The following FKBP1B variants were observed in gnomAD, a reference collection of about 807,000 sequenced individuals.
FKBP1B encodes peptidyl-prolyl cis-trans isomerase FKBP1B.
Under a neutral mutation model 13.5 loss-of-function variants are expected in FKBP1B, and 4 were observed. That is an observed-to-expected ratio of 0.30 (90% CI 0.15 to 0.68). The LOEUF is 0.68. Among genes scored for constraint, FKBP1B ranks in the 30% least tolerant of loss-of-function variants. The pLI, the probability that FKBP1B is intolerant of heterozygous loss-of-function variation, is 0.76. For missense variants in FKBP1B, 93 were observed against 136.2 expected, an observed-to-expected ratio of 0.68 and a Z score of 1.58; for synonymous variants, 54 against 53.6, an observed-to-expected ratio of 1.01 and a Z score of -0.03.
chr2:24,057,174 T>C (rs535100809), intron 2 of FKBP1B, among the ~76,000 whole-genome samples: 1 of 151,974 alleles, frequency 6.6e-6, no homozygotes, highest in South Asian at 2.1e-4. Flanking sequence ...TCTTTCTTTT[T>C]AAAATTTTTT....
At chr2:24,035,649 T>A in the FKBP1B span, among the ~76,000 whole-genome samples, 1 of 152,020 alleles carries the variant, frequency 6.6e-6, no homozygotes, top group Non-Finnish European at 1.5e-5. Context: ...GTGCAGTGGC[T>A]CACACCTGTA....
the FKBP1B span, among the ~76,000 whole-genome samples, chr2:24,042,535 C>CAAA: frequency 3.4e-4 from 21 of 61,512 alleles, no homozygotes; most frequent in East Asian, 5.5e-4. Flanking sequence ...TACTCCGTCT[C>CAAA]AAAAAAAAAA....
chr2:24,046,109 G>C (rs1663617059), upstream of FKBP1B, among the ~76,000 whole-genome samples: 1 of 149,004 alleles, frequency 6.7e-6, no homozygotes, highest in Non-Finnish European at 1.5e-5. Context: ...GTGAGACCCT[G>C]TTGGGGAGGT....
At chr2:24,038,902 A>T in the FKBP1B span, 1 of 1,614,226 alleles carries the variant, frequency 6.2e-7, no homozygotes, top group Non-Finnish European at 8.5e-7. Flanking sequence ...ATCAAACACC[A>T]GGCAGGAGGA....
the FKBP1B span, chr2:24,039,619 G>T: frequency 1.0e-6 from 1 of 968,562 alleles, no homozygotes; most frequent in Non-Finnish European, 1.5e-6. Flanking sequence ...TTAATAATGT[G>T]GAGAGACAAA....
At chr2:24,061,037 C>A in intron 3 of FKBP1B, 111 bp downstream of exon 3, 1 of 785,254 alleles carries the variant, frequency 1.3e-6, no homozygotes, top group Non-Finnish European at 2.1e-6. Context: ...TGCTTTGACT[C>A]TACAGCCAGG....
At position 24,053,820 on chromosome 2, in the gene FKBP1B, G is replaced by C. The variant is rs757900919; in HGVS notation, c.38-82G>C. ...GGCATGGAGGGGAATGCAGGCTGGA[G>C]CTCTTGGTCAGGATCATACTTAATG... is the stretch of plus-strand genomic sequence containing the variant. On this transcript the variant is annotated intron_variant, in intron 1 of 3. Transcript: ENST00000380986. The C allele has an allele frequency of 2.7e-4, 367 of 1,341,260 alleles. 3 individuals are homozygous for C. Among genetic ancestry groups the C allele is most frequent in the Non-Finnish European group, 5.4e-5 (50 of 934,374 alleles). The allele number at this position is 1,341,260 out of a possible 1,614,324, so 83.1% of individuals were successfully genotyped here.
chr2:24,063,118 G>C lies in FKBP1B; in HGVS notation c.253G>C (p.Ala85Pro), dbSNP rs748307933. ...LTCTPDVAYG[A>P]TGHPGVIPPN... ...CTGCACCCCTGATGTGGCATATGGA[G>C]CCACGGGCCACCCCGGTGTCATCCC... The change falls in exon 4 of 4, where the codon GCC (alanine) becomes CCC (proline). Residue 85 changes from alanine (A) to proline (P), a missense_variant. Ala to Pro is a conservative substitution (Grantham distance 27, BLOSUM62 -1). Coordinates refer to ENST00000380986, the MANE Select transcript of FKBP1B (RefSeq NM_004116.5). 6.2e-6 allele frequency: 10 copies of C among 1,613,890 alleles called. No individual in the cohort carries two copies. The highest frequency in any genetic ancestry group is 7.6e-6 in the Non-Finnish European group (9 of 1,179,892).
chr2:24,041,160 G>A, the FKBP1B span, among the ~76,000 whole-genome samples: 9 of 151,690 alleles, frequency 5.9e-5, no homozygotes, highest in Non-Finnish European at 1.3e-4. Context: ...CCAACATGGT[G>A]TAACCCTGTT....
chr2:24,059,448 A>G (rs1312649991), intron 2 of FKBP1B, among the ~76,000 whole-genome samples: 2 of 151,994 alleles, frequency 1.3e-5, no homozygotes, highest in African/African-American at 4.8e-5. Flanking sequence ...AGGTCACCTT[A>G]CACTGTTCCC....
the FKBP1B span, chr2:24,039,048 T>C: frequency 6.2e-7 from 1 of 1,614,178 alleles, no homozygotes; most frequent in Non-Finnish European, 8.5e-7. Context: ...TGTCTGCCTT[T>C]ACCTGGGAAT....
At chr2:24,060,144 G>C (rs1664318615) in intron 2 of FKBP1B, among the ~76,000 whole-genome samples, 1 of 152,130 alleles carries the variant, frequency 6.6e-6, no homozygotes, top group Non-Finnish European at 1.5e-5. Flanking sequence ...AAATCAGTCT[G>C]GATGCCAAGT....
chr2:24,035,841 C>T, the FKBP1B span, among the ~76,000 whole-genome samples: 10,966 of 151,690 alleles, frequency 0.072, 499 homozygotes, highest in Middle Eastern at 0.12. Context: ...GAGGCCAAGG[C>T]GGGCAGATCA....
At chr2:24,035,184 T>G in the FKBP1B span, among the ~76,000 whole-genome samples, 1 of 151,818 alleles carries the variant, frequency 6.6e-6, no homozygotes, top group Non-Finnish European at 1.5e-5. Context: ...ATATATTACT[T>G]TTGTAATTAG....
chr2:24,054,967 G>A (rs554722371), intron 2 of FKBP1B, among the ~76,000 whole-genome samples: 10 of 152,270 alleles, frequency 6.6e-5, no homozygotes, highest in African/African-American at 1.4e-4. Context: ...ATCAAACATA[G>A]CGGGAGACTA....
the FKBP1B span, among the ~76,000 whole-genome samples, chr2:24,040,182 A>C: frequency 1.3e-5 from 2 of 152,180 alleles, no homozygotes; most frequent in Admixed American, 6.5e-5. Context: ...AAGCATGTTG[A>C]AGCACTTGGG....
At chr2:24,039,447 C>A in the FKBP1B span, 1 of 1,614,244 alleles carries the variant, frequency 6.2e-7, no homozygotes, top group Non-Finnish European at 8.5e-7. Flanking sequence ...CTGCTTGATG[C>A]AACGCATTCA....
chr2:24,059,894 CAAAAAAAAAAAA>C (rs10679224), intron 2 of FKBP1B, among the ~76,000 whole-genome samples: 1 of 49,818 alleles, frequency 2.0e-5, no homozygotes, highest in Non-Finnish European at 3.6e-5. Context: ...GACTCCGACT[CAAAAAAAAAAAA>C]AAAAAAAAAA....
At chr2:24,038,583 T>A in the FKBP1B span, 1 of 1,614,088 alleles carries the variant, frequency 6.2e-7, no homozygotes, top group Non-Finnish European at 8.5e-7. Context: ...AGTCCTTTTT[T>A]CTTAGACAAA....
Sources: allele counts gnomAD v4.1 joint callset (sites outside exome capture counted in the v4.1 genomes callset), GRCh38; gene constraint gnomAD v4.1.1; transcripts MANE v1.5; gene names NCBI Gene and HGNC (gene_info 2026-07-23, HGNC 2026-07-21).